The following ASCC1 variants were observed in gnomAD, a reference collection of about 807,000 sequenced individuals.
The protein encoded by ASCC1 is ASC-1 complex subunit P50.
ASCC1 carries 35 observed loss-of-function variants against 46.6 expected under a neutral mutation model. The ratio of observed to expected loss-of-function variants is 0.75; its 90% CI spans 0.57 to 0.99. The LOEUF (loss-of-function observed/expected upper bound fraction) is 0.99, where lower values mean the gene tolerates loss of function less well. Ranked by LOEUF, ASCC1 falls within the 50% of genes least tolerant of loss-of-function variation. The probability of loss-of-function intolerance (pLI) is 0.00; values close to 1 mark genes in which losing one functional copy is unlikely to be tolerated. For synonymous variants in ASCC1, 143 were observed against 146.6 expected, an observed-to-expected ratio of 0.98 and a Z score of 0.18; for missense variants, 376 against 428.7, an observed-to-expected ratio of 0.88 and a Z score of 1.09.
At chr10:72,122,910 AATTTATAGT>A (rs1844380441) in intron 9 of ASCC1, among the ~76,000 whole-genome samples, 1 of 152,246 alleles carries the variant, frequency 6.6e-6, no homozygotes, top group African/African-American at 2.4e-5. Context: ...CTCAGAGGGA[AATTTATAGT>A]ATTTAGTGCA....
intron 5 of ASCC1, among the ~76,000 whole-genome samples, chr10:72,174,307 A>C (rs1448969165): frequency 6.6e-6 from 1 of 152,224 alleles, no homozygotes; most frequent in Non-Finnish European, 1.5e-5. Context: ...AGTGGGGCAG[A>C]ACTGCTAATA....
intron 5 of ASCC1, among the ~76,000 whole-genome samples, chr10:72,162,367 T>A (rs1449247165): frequency 2.6e-5 from 4 of 151,904 alleles, no homozygotes; most frequent in South Asian, 4.2e-4. Context: ...GAGAACAGGG[T>A]TCACCATTTT....
At chr10:72,198,770 C>T (rs74148212) in intron 4 of ASCC1, 32,578 of 437,664 alleles carry the variant, frequency 0.074, 5,156 homozygotes, top group African/African-American at 0.43. Flanking sequence ...CTAACCAATA[C>T]ATTTGGTTTT....
At chr10:72,183,925 C>T (rs1853038585) in intron 5 of ASCC1, among the ~76,000 whole-genome samples, 1 of 152,042 alleles carries the variant, frequency 6.6e-6, no homozygotes, top group South Asian at 2.1e-4. Context: ...GGGCAGATCG[C>T]CTGAGGTCAG....
At chr10:72,216,542 T>C (rs893795868), upstream of ASCC1, among the ~76,000 whole-genome samples, 2 of 148,048 alleles carry the variant, frequency 1.4e-5, no homozygotes, top group African/African-American at 5.0e-5. Context: ...TCCAGCTGTT[T>C]TGAAGTGGAA....
At chr10:72,213,156 T>A in intron 2 of ASCC1, 31 bp downstream of exon 2, 1 of 1,472,534 alleles carries the variant, frequency 6.8e-7, no homozygotes, top group Non-Finnish European at 9.5e-7. Context: ...ACATTTTACT[T>A]CTTATCTGAC....
At chr10:72,130,420 C>A (rs902301110) in intron 8 of ASCC1, among the ~76,000 whole-genome samples, 2 of 152,194 alleles carry the variant, frequency 1.3e-5, no homozygotes, top group African/African-American at 2.4e-5. Context: ...ATATTTTGAA[C>A]ATCTGCAAAT....
At chr10:72,102,714 C>T (rs1841916899) in intron 9 of ASCC1, 1 of 361,116 alleles carries the variant, frequency 2.8e-6, no homozygotes, top group East Asian at 7.2e-5. Flanking sequence ...GTGGCTCACA[C>T]CTGTAATCCC....
At chr10:72,198,570 T>C in intron 4 of ASCC1, 1 of 455,676 alleles carries the variant, frequency 2.2e-6, no homozygotes, top group Non-Finnish European at 4.4e-6. Context: ...GTGGAGAAGC[T>C]TCTGATGTTC....
chr10:72,141,044 GATA>G (rs1415143611), intron 7 of ASCC1, among the ~76,000 whole-genome samples: 10 of 123,490 alleles, frequency 8.1e-5, no homozygotes, highest in Non-Finnish European at 1.2e-4. Flanking sequence ...TTTATAGATA[GATA>G]GATAGATAGA....
intron 5 of ASCC1, among the ~76,000 whole-genome samples, chr10:72,170,593 C>CAAA (rs1038487604): frequency 1.0e-4 from 6 of 58,832 alleles, no homozygotes; most frequent in Admixed American, 2.1e-4. Context: ...GACTGTATCT[C>CAAA]AAAAAAAAAA....
At chr10:72,173,097 A>C (rs1263800915) in intron 5 of ASCC1, among the ~76,000 whole-genome samples, 2 of 150,576 alleles carry the variant, frequency 1.3e-5, no homozygotes, top group Non-Finnish European at 2.9e-5. Flanking sequence ...TCAAGACTTA[A>C]CTAGTAGAGC....
chr10:72,098,360 GC>G (rs1841336534), intron 9 of ASCC1, among the ~76,000 whole-genome samples: 1 of 152,228 alleles, frequency 6.6e-6, no homozygotes, highest in South Asian at 2.1e-4. Context: ...TCCCAAGAAA[GC>G]CTTGGTTGTT....
At chr10:72,158,974 T>C (rs1186407215) in intron 6 of ASCC1, 1 of 152,184 alleles carries the variant, frequency 6.6e-6, no homozygotes, top group Non-Finnish European at 1.5e-5. Flanking sequence ...ACCCTTTTTG[T>C]TTTTTTAAGA....
intron 9 of ASCC1, among the ~76,000 whole-genome samples, chr10:72,119,720 A>G (rs1353517263): frequency 3.4e-5 from 5 of 146,182 alleles, no homozygotes; most frequent in Non-Finnish European, 6.1e-5. Flanking sequence ...TAGTAAAAGG[A>G]AAAAAAAAAA....
At chr10:72,114,479 GC>G (rs1306391654) in intron 9 of ASCC1, among the ~76,000 whole-genome samples, 2 of 152,070 alleles carry the variant, frequency 1.3e-5, no homozygotes, top group Non-Finnish European at 2.9e-5. Context: ...CAAAATATTA[GC>G]CGGGCATGGT....
intron 5 of ASCC1, among the ~76,000 whole-genome samples, chr10:72,167,872 AAGC>A (rs889321633): frequency 6.6e-6 from 1 of 152,004 alleles, no homozygotes; most frequent in Non-Finnish European, 1.5e-5. Flanking sequence ...TCCTGGCCTT[AAGC>A]AGGCCTCCCA....
intron 5 of ASCC1, chr10:72,190,566 A>G: frequency 7.3e-7 from 1 of 1,376,416 alleles, no homozygotes; most frequent in Non-Finnish European, 1.0e-6. Flanking sequence ...CAGCTCCACC[A>G]TTATCGCTAA....
chr10:72,173,029 A>G (rs1801097319), intron 5 of ASCC1, among the ~76,000 whole-genome samples: 1 of 145,070 alleles, frequency 6.9e-6, no homozygotes, highest in Admixed American at 7.2e-5. Flanking sequence ...TATATAAAAT[A>G]TAGTGACTAG....
Sources: allele counts gnomAD v4.1 joint callset (sites outside exome capture counted in the v4.1 genomes callset), GRCh38; gene constraint gnomAD v4.1.1; transcripts MANE v1.5; gene names NCBI Gene and HGNC (gene_info 2026-07-23, HGNC 2026-07-21).